MAST1: variants seen among roughly 807,000 people sequenced by gnomAD.
The protein encoded by MAST1 is microtubule associated serine/threonine kinase 1.
Under a neutral mutation model 124.6 loss-of-function variants are expected in MAST1, and 40 were observed. The ratio of observed to expected loss-of-function variants is 0.32; its 90% CI spans 0.25 to 0.42. The LOEUF (loss-of-function observed/expected upper bound fraction) is 0.42, where lower values mean the gene tolerates loss of function less well. MAST1 is among the 10% of genes least tolerant of loss of function. The pLI is 1.00. For synonymous variants in MAST1, 938 were observed against 939.4 expected, an observed-to-expected ratio of 1.00 and a Z score of 0.03; for missense variants, 1,558 against 2,181.9, an observed-to-expected ratio of 0.71 and a Z score of 5.70.
intron 4 of MAST1, among the ~76,000 whole-genome samples, chr19:12,846,333 G>A (rs565130717): frequency 2.0e-5 from 3 of 152,204 alleles, no homozygotes; most frequent in African/African-American, 4.8e-5. Context: ...GATTACAGGT[G>A]TGAGTCACCA....
In MAST1 at chr19:12,873,410, C is replaced by G; in HGVS notation, c.3350C>G (p.Ser1117Trp). ...CGCTCGCTGTCGTCGCTGAACCGCTCGCTGTCATCCAGCGATAGTCTCCCG... is the reference window on the plus strand; with the variant it reads ...CGCTCGCTGTCGTCGCTGAACCGCTGGCTGTCATCCAGCGATAGTCTCCCG... ...TSRSLSSLNR[S>W]LSSSDSLPGS... The change falls in exon 25 of 26, where the codon TCG (serine) becomes TGG (tryptophan). Residue 1117 changes from serine to tryptophan, a missense_variant. Around this residue, in one of 10 missense-constraint regions of MAST1, gnomAD observed 291 missense variants for 475.8 expected, o/e 0.61. Transcript: ENST00000251472. 6.2e-7 allele frequency: 1 copy of G among 1,613,892 alleles called. No homozygotes were observed. Among genetic ancestry groups the G allele is most frequent in the Non-Finnish European group, 8.5e-7 (1 of 1,180,002 alleles).
Position 12,856,622 on chromosome 19 carries a change from C to T in MAST1, c.1078-1740C>T, listed in dbSNP as rs942899639. 2.6e-5 allele frequency among the ~76,000 whole-genome samples: 4 copies of T among 152,086 alleles called. No homozygotes were observed. In the South Asian group the frequency reaches 8.3e-4, roughly 32 times the overall value. ...ACCTGGCCTTTGCCACATTTTTTTG[C>T]ACATAAACGTACAATACATATTGCC... On this transcript the variant is annotated intron_variant, in intron 10 of 25. Transcript: ENST00000251472.
chr19:12,844,062 T>C (rs1969862513), intron 4 of MAST1, among the ~76,000 whole-genome samples: 1 of 152,198 alleles, frequency 6.6e-6, no homozygotes, highest in South Asian at 2.1e-4. Flanking sequence ...TGTTCACTTG[T>C]CCATCTATTA....
Position 12,866,749 on chromosome 19 carries a change from C to A in MAST1, c.2126C>A (p.Pro709Gln). ...ATCCGCCAGTTCTCTTCCTGCTCTC[C>A]GCGCTTCAGCAAGGTGGGCCAAGTC... ...VEIRQFSSCSPRFSKVYSSME... is the reference protein window; with the variant it reads ...VEIRQFSSCSQRFSKVYSSME... Residue 709 changes from proline (P) to glutamine (Q), a missense_variant, in exon 18 of 26, where the codon CCG (proline) becomes CAG (glutamine). Physicochemically the swap from Pro to Gln is moderately conservative, Grantham distance 76 (BLOSUM62 -1). This residue lies in a region of MAST1 where 287 missense variants were observed against 308.0 expected (regional missense o/e 0.93). Transcript: ENST00000251472. The surrounding 1 kb of genome is among the most constrained non-coding windows in gnomAD (Gnocchi z 5.2). 6.2e-7 allele frequency: 1 copy of A among 1,613,270 alleles called. No homozygotes were observed. The highest frequency in any genetic ancestry group is 8.5e-7 in the Non-Finnish European group (1 of 1,179,658).
At position 12,874,494 on chromosome 19, in the gene MAST1, A is replaced by C; in HGVS notation, c.4337A>C (p.Lys1446Thr). The part of the protein sequence containing the change: ...IVVEPARPGA[K>T]AVVPQPLGAD... ...GTAGAGCCTGCGCGGCCCGGGGCTA[A>C]GGCTGTGGTGCCTCAGCCTCTGGGC... is the stretch of plus-strand genomic sequence containing the variant. The change falls in exon 26 of 26, where the codon AAG (lysine) becomes ACG (threonine). Residue 1446 changes from lysine (K) to threonine (T), a missense_variant. Transcript: ENST00000251472. This position sits in a 1 kb window ranked among gnomAD's most constrained non-coding sequence, Gnocchi z 6.6. The C allele has an allele frequency of 1.3e-6, 2 of 1,556,648 alleles. No homozygotes were observed. Among genetic ancestry groups the C allele is most frequent in the Non-Finnish European group, 1.7e-6 (2 of 1,153,828 alleles).
In MAST1 at chr19:12,868,732, C is replaced by T. The variant is rs1036605246; in HGVS notation, c.2656C>T (p.Arg886Trp). 8 of 1,613,034 alleles carry T rather than the reference C, an allele frequency of 5.0e-6. No individual in the cohort carries two copies. Among genetic ancestry groups the T allele is most frequent in the South Asian group, 2.2e-5 (2 of 90,916 alleles). ...PRATNDLVLR[R>W]ARHQQMSGDV... is the part of the protein sequence containing the mutation. ...GGCTACCAATGACTTGGTTCTGCGC[C>T]GGGCGCGGCACCAGCAGATGTCAGG... Residue 886 changes from arginine (R) to tryptophan (W), a missense_variant, in exon 21 of 26, where the codon CGG (arginine) becomes TGG (tryptophan). Arg to Trp is a moderately radical substitution (Grantham distance 101, BLOSUM62 -3). Transcript: ENST00000251472.
intron 10 of MAST1, among the ~76,000 whole-genome samples, chr19:12,857,787 G>A (rs1230769302): frequency 2.0e-5 from 3 of 152,000 alleles, no homozygotes; most frequent in African/African-American, 7.2e-5. Context: ...CTACTCTTTG[G>A]GAGGCCAAGG....
At position 12,838,522 on chromosome 19, in the gene MAST1, C is replaced by T. The variant is rs771590511; in HGVS notation, c.-51C>T. The stretch of plus-strand genomic sequence containing the variant: ...CTTGCTCCCCGCGCCGCCGCCGCCG[C>T]CGCCTCCGCCGCTGCTGCCGCACCT... On this transcript the variant is annotated 5_prime_UTR_variant, in exon 1 of 26. Coordinates refer to ENST00000251472, the MANE Select transcript of MAST1 (RefSeq NM_014975.3). The surrounding 1 kb of genome is among the most constrained non-coding windows in gnomAD (Gnocchi z 4.3). The T allele has an allele frequency of 1.4e-5, 19 of 1,376,814 alleles. No homozygotes were observed. The South Asian group carries it at 2.9e-4, about 21-fold the overall frequency. The allele number at this position is 1,376,814 out of a possible 1,614,324, so 85.3% of individuals were successfully genotyped here.
In MAST1 at chr19:12,869,183, T is replaced by C. The variant is rs1970201245; in HGVS notation, c.2891T>C (p.Leu964Pro). The part of the protein sequence containing the change: ...SRDYSPAVSG[L>P]RSPITIQRSG... ...GACTACTCACCAGCTGTCAGTGGGC[T>C]CCGCTCCCCCATCACCATCCAGCGC... The change falls in exon 22 of 26, where the codon CTC becomes CCC. Residue 964 changes from leucine to proline, a missense_variant. Around this residue, in one of 10 missense-constraint regions of MAST1, gnomAD observed 291 missense variants for 475.8 expected, o/e 0.61. Transcript: ENST00000251472. The C allele has an allele frequency of 6.2e-7, 1 of 1,614,170 alleles. No homozygotes were observed. Among genetic ancestry groups the C allele is most frequent in the Non-Finnish European group, 8.5e-7 (1 of 1,180,012 alleles).
Position 12,866,238 on chromosome 19 carries a change from TGGGGGC to T in MAST1, c.2029+141_2029+146del. 7.7e-6 allele frequency: 1 copy of T among 129,660 alleles called. No homozygotes were observed. Among genetic ancestry groups the T allele is most frequent in the South Asian group, 1.0e-4 (1 of 9,700 alleles). The allele number at this position is 129,660 out of a possible 1,614,324, so 8.0% of individuals were successfully genotyped here. On this transcript the variant is annotated intron_variant, in intron 17 of 25. Transcript: ENST00000251472. The surrounding 1 kb of genome is among the most constrained non-coding windows in gnomAD (Gnocchi z 5.2). ...CCTAGGTGCGAAGGTGGTATTTTGG[TGGGGGC>T]GGGGCCAAGTGGGGCGGGGCTGACA...
Position 12,870,965 on chromosome 19 carries a change from G to T in MAST1, c.3126+19G>T. The T allele has an allele frequency of 6.2e-7, 1 of 1,613,442 alleles. No individual in the cohort carries two copies. The highest frequency in any genetic ancestry group is 8.5e-7 in the Non-Finnish European group (1 of 1,179,588). ...CCTTAAGGTGAGTGCAGGGAAGGAG[G>T]CACCCTGGGCGGAGGGTGGGGGAGG... On this transcript the variant is annotated intron_variant, in intron 23 of 25. Coordinates refer to ENST00000251472, the MANE Select transcript of MAST1 (RefSeq NM_014975.3).
In MAST1 at chr19:12,865,867, C is replaced by T. The variant is rs755617331; in HGVS notation, c.1906+49C>T. Reference sequence around the variant, plus strand: ...TGAGGGCCCACTGATAGAGAGCAGGCCTCCAAAACCCCAGGCCCAGCCTGT... The same window carrying T: ...TGAGGGCCCACTGATAGAGAGCAGGTCTCCAAAACCCCAGGCCCAGCCTGT... On this transcript the variant is annotated intron_variant, in intron 16 of 25. Coordinates refer to ENST00000251472, the MANE Select transcript of MAST1 (RefSeq NM_014975.3). This position sits in a 1 kb window ranked among gnomAD's most constrained non-coding sequence, Gnocchi z 7.1. 1.9e-6 allele frequency: 3 copies of T among 1,601,072 alleles called. No individual in the cohort carries two copies. Among genetic ancestry groups the T allele is most frequent in the South Asian group, 2.2e-5 (2 of 90,210 alleles).
chr19:12,871,913 C>CAAA (rs34674708), intron 24 of MAST1, among the ~76,000 whole-genome samples: 35 of 60,870 alleles, frequency 5.7e-4, no homozygotes, highest in African/African-American at 9.5e-4. Flanking sequence ...TAGACTCTTT[C>CAAA]AAAAAAAAAA....
chr19:12,852,273 C>T, intron 9 of MAST1, 26 bp downstream of exon 9: 1 of 1,614,052 alleles, frequency 6.2e-7, no homozygotes, highest in Non-Finnish European at 8.5e-7. Context: ...CGCAGGGGGA[C>T]TGGGGGTGAG....
chr19:12,847,218 G>A lies in MAST1; in HGVS notation c.328-72G>A. 1.0e-6 allele frequency: 1 copy of A among 1,001,812 alleles called. No homozygotes were observed. Among genetic ancestry groups the A allele is most frequent in the South Asian group, 1.4e-5 (1 of 70,616 alleles). 62.1% of individuals were successfully genotyped at this position (1,001,812 alleles called of 1,614,324 possible). A position where few individuals can be genotyped will look rare whatever the true frequency, so the allele number is the denominator to read the frequency against. ...CCCAGTGACCCCATCGGCTTTGGGA[G>A]TCCCAGCTCAGGGTCCTGAGCTGTT... is the stretch of plus-strand genomic sequence containing the variant. On this transcript the variant is annotated intron_variant, in intron 4 of 25. Coordinates refer to ENST00000251472, the MANE Select transcript of MAST1 (RefSeq NM_014975.3). The surrounding 1 kb of genome is among the most constrained non-coding windows in gnomAD (Gnocchi z 5.5).
chr19:12,867,688 C>A (rs949266708), intron 19 of MAST1, 36 bp downstream of exon 19: 6 of 1,537,964 alleles, frequency 3.9e-6, no homozygotes, highest in Non-Finnish European at 4.4e-6. Flanking sequence ...GGGGCGGGGT[C>A]GAAGGGGGCG....
rs778430578 is a variant in MAST1 at position 12,847,775 on chromosome 19, G to A, written c.565-73G>A. 4.7e-5 allele frequency: 74 copies of A among 1,583,152 alleles called. No homozygotes were observed. The highest frequency in any genetic ancestry group is 5.9e-5 in the Non-Finnish European group (68 of 1,161,666). ...CCCCGCGCGCCCCCTGGCGGCCTCG[G>A]TGCGCAGCGCAGGCTCCTGGCGGCC... On this transcript the variant is annotated intron_variant, in intron 6 of 25. Transcript: ENST00000251472. This position sits in a 1 kb window ranked among gnomAD's most constrained non-coding sequence, Gnocchi z 5.5.
rs1969811445 is a variant in MAST1, at chr19:12,840,426, C to G, written c.84-20C>G. On this transcript the variant is annotated intron_variant, in intron 1 of 25. Coordinates refer to ENST00000251472, the MANE Select transcript of MAST1 (RefSeq NM_014975.3). ...TGGGCTGCGGCCCGGCCCGGCCCCCCTGCCTTACCTTCCCCGCAGCTGCCG... is the reference window on the plus strand; with the variant it reads ...TGGGCTGCGGCCCGGCCCGGCCCCCGTGCCTTACCTTCCCCGCAGCTGCCG... 1 of 1,583,806 alleles carries G rather than the reference C, an allele frequency of 6.3e-7. No individual in the cohort carries two copies. The highest frequency in any genetic ancestry group is 1.1e-5 in the South Asian group (1 of 89,794).
chr19:12,842,333 C>T (rs1456632887), intron 3 of MAST1, among the ~76,000 whole-genome samples: 1 of 151,754 alleles, frequency 6.6e-6, no homozygotes, highest in Non-Finnish European at 1.5e-5. Flanking sequence ...CGCTCTGTTG[C>T]CCAGGCTGGA....
Sources: allele counts gnomAD v4.1 joint callset (sites outside exome capture counted in the v4.1 genomes callset), GRCh38; gene constraint gnomAD v4.1.1; regional missense constraint gnomAD v4.1.1; non-coding constraint Gnocchi (gnomAD v3.1); transcripts MANE v1.5; gene names NCBI Gene and HGNC (gene_info 2026-07-23, HGNC 2026-07-21).